CDC40: variants seen among roughly 807,000 people sequenced by gnomAD.
The protein encoded by CDC40 is pre-mRNA-processing factor 17.
In CDC40, 27 loss-of-function variants were observed where a neutral mutation model predicts 80.6. That is an observed-to-expected ratio of 0.33 (90% CI 0.25 to 0.46). The LOEUF (loss-of-function observed/expected upper bound fraction) is 0.46. Among genes scored for constraint, CDC40 ranks in the 20% least tolerant of loss-of-function variants. The pLI, the probability that CDC40 is intolerant of heterozygous loss-of-function variation, is 1.00. For missense variants in CDC40, 486 were observed against 694.1 expected (o/e 0.70, Z 3.37); for synonymous variants, 221 against 232.6 (o/e 0.95, Z 0.45).
chr6:110,219,423 G>C lies in CDC40; in HGVS notation c.1150G>C (p.Asp384His). The C allele has an allele frequency of 3.7e-6, 6 of 1,610,886 alleles. No homozygotes were observed. Among genetic ancestry groups the C allele is most frequent in the Non-Finnish European group, 5.1e-6 (6 of 1,177,426 alleles). The change falls in exon 11 of 15, where the codon GAT becomes CAT. Residue 384 changes from aspartate (D) to histidine (H), a missense_variant. This residue lies in a region of CDC40 where 381 missense variants were observed against 492.1 expected (regional missense o/e 0.77). Transcript: ENST00000307731. Reference protein sequence around the residue: ...KVPYCVKFNPDEDKQNLFVAG... With the variant: ...KVPYCVKFNPHEDKQNLFVAG... Reference sequence around the variant, plus strand: ...ACCTTATTGTGTCAAATTCAATCCTGATGAAGATAAGCAAAATCTCTTTGT... The same window carrying C: ...ACCTTATTGTGTCAAATTCAATCCTCATGAAGATAAGCAAAATCTCTTTGT...
At chr6:110,198,340 T>C (rs1223392295) in intron 2 of CDC40, among the ~76,000 whole-genome samples, 1 of 152,054 alleles carries the variant, frequency 6.6e-6, no homozygotes, top group East Asian at 1.9e-4. Flanking sequence ...CATGCCTAGC[T>C]AATTTTTTGT....
rs932193253 is a variant in CDC40, at chr6:110,231,726, A to C, written c.*1595A>C. ...CCTAAGAGCATTAAGCTCTGAGTCC[A>C]GTGAGGTCATAGCAGTGTATGCTCC... On this transcript the variant is annotated 3_prime_UTR_variant, in exon 15 of 15. Coordinates refer to ENST00000307731, the MANE Select transcript of CDC40 (RefSeq NM_015891.3). The C allele has an allele frequency of 1.3e-5, 2 of 151,592 alleles. No homozygotes were observed. Among genetic ancestry groups the C allele is most frequent in the Non-Finnish European group, 2.9e-5 (2 of 67,894 alleles). The allele number at this position is 151,592 out of a possible 1,614,324, so 9.4% of individuals were successfully genotyped here.
intron 3 of CDC40, among the ~76,000 whole-genome samples, chr6:110,204,829 T>G (rs1402288150): frequency 6.0e-5 from 9 of 150,616 alleles, no homozygotes; most frequent in African/African-American, 1.5e-4. Flanking sequence ...ATAGCTAATG[T>G]TTTTTTTTGT....
chr6:110,181,824 A>G (rs1481460063), intron 1 of CDC40, among the ~76,000 whole-genome samples: 1 of 152,162 alleles, frequency 6.6e-6, no homozygotes, highest in East Asian at 1.9e-4. Context: ...CAGCCATCTG[A>G]CTTAAATGTC....
intron 1 of CDC40, among the ~76,000 whole-genome samples, chr6:110,186,727 A>C (rs530660018): frequency 2.0e-5 from 3 of 151,828 alleles, no homozygotes; most frequent in South Asian, 4.2e-4. Flanking sequence ...TTTTTTTGAG[A>C]TATGGTTTCA....
intron 10 of CDC40, among the ~76,000 whole-genome samples, chr6:110,218,817 A>G (rs1777731522): frequency 7.3e-5 from 11 of 150,624 alleles, no homozygotes; most frequent in Admixed American, 7.3e-4. Context: ...CTAAATATTC[A>G]GTGATTTTTT....
At chr6:110,222,004 C>T (rs949645140) in intron 12 of CDC40, among the ~76,000 whole-genome samples, 5 of 151,802 alleles carry the variant, frequency 3.3e-5, no homozygotes, top group African/African-American at 1.2e-4. Context: ...GCCTGTAATT[C>T]CAGCACTTTG....
chr6:110,209,262 G>A (rs750506478), intron 5 of CDC40, 39 bp downstream of exon 5: 13 of 1,559,248 alleles, frequency 8.3e-6, no homozygotes, highest in Middle Eastern at 1.7e-4. Flanking sequence ...TCAGGTATAC[G>A]CTGTATCTCT....
rs1304645355 is a variant in CDC40, at chr6:110,219,367, A to G, written c.1094A>G (p.Gln365Arg). The G allele has an allele frequency of 7.0e-7, 1 of 1,419,270 alleles. No homozygotes were observed. The allele number at this position is 1,419,270 out of a possible 1,614,324, so 87.9% of individuals were successfully genotyped here. A position where few individuals can be genotyped will look rare whatever the true frequency, so the allele number is the denominator to read the frequency against. The change falls in exon 11 of 15, where the codon CAG (glutamine) becomes CGG (arginine). Residue 365 changes from glutamine to arginine, a missense_variant. By Grantham distance (43) the Gln-to-Arg change is conservative. Transcript: ENST00000307731. ...TAATTTGAGTCTTTGGTTTTAGGACAGTGTATATCAAGATTTACAAACCGA... is the reference window on the plus strand; with the variant it reads ...TAATTTGAGTCTTTGGTTTTAGGACGGTGTATATCAAGATTTACAAACCGA... ...YLKLWDTETG[Q>R]CISRFTNRKV...
chr6:110,204,847 G>A lies in CDC40; in HGVS notation c.407-2659G>A, dbSNP rs1187448279. Among the ~76,000 whole-genome samples, 5 of 151,274 alleles carry A rather than the reference G, an allele frequency of 3.3e-5. No individual in the cohort carries two copies. In the South Asian group the frequency reaches 8.3e-4, roughly 25 times the overall value. On this transcript the variant is annotated intron_variant, in intron 3 of 14. Coordinates refer to ENST00000307731, the MANE Select transcript of CDC40 (RefSeq NM_015891.3). Reference sequence around the variant, plus strand: ...GCTAATGTTTTTTTTTGTATTTTTCGTAGAGATGGGGTTTTACCATATTGG... The same window carrying A: ...GCTAATGTTTTTTTTTGTATTTTTCATAGAGATGGGGTTTTACCATATTGG...
intron 1 of CDC40, among the ~76,000 whole-genome samples, chr6:110,183,657 T>A (rs1378131786): frequency 6.6e-6 from 1 of 152,234 alleles, no homozygotes; most frequent in East Asian, 1.9e-4. Flanking sequence ...ATTGGAAAAT[T>A]GGAAAATGAC....
At chr6:110,189,950 T>G (rs1403656963) in intron 1 of CDC40, among the ~76,000 whole-genome samples, 1 of 152,234 alleles carries the variant, frequency 6.6e-6, no homozygotes, top group Non-Finnish European at 1.5e-5. Flanking sequence ...GTGACATAAT[T>G]GCCAAATCCA....
Position 110,197,912 on chromosome 6 carries a change from A to G in CDC40, c.277-3646A>G, listed in dbSNP as rs188892725. Among the ~76,000 whole-genome samples the G allele has an allele frequency of 1.6e-4, 24 of 152,110 alleles. No individual in the cohort carries two copies. The East Asian group carries it at 4.3e-3, about 27-fold the overall frequency. ...TGTCATTTCCTTTGGACATATACCCACTTGTAAAATTGCTGGGGTCATATG... is the reference window on the plus strand; with the variant it reads ...TGTCATTTCCTTTGGACATATACCCGCTTGTAAAATTGCTGGGGTCATATG... On this transcript the variant is annotated intron_variant, in intron 2 of 14. Transcript: ENST00000307731.
chr6:110,206,725 G>A (rs1777567154), intron 3 of CDC40, among the ~76,000 whole-genome samples: 1 of 152,150 alleles, frequency 6.6e-6, no homozygotes, highest in African/African-American at 2.4e-5. Flanking sequence ...TAGATTTTAT[G>A]TAATCTTCTT....
chr6:110,229,813 A>G (rs1777912339), intron 14 of CDC40, 141 bp from the exon 15 acceptor site: 2 of 561,024 alleles, frequency 3.6e-6, no homozygotes, highest in East Asian at 5.8e-5. Flanking sequence ...TTCATGTTCT[A>G]CCATCTTATT....
At chr6:110,204,206 G>C (rs1777531673) in intron 3 of CDC40, among the ~76,000 whole-genome samples, 1 of 151,978 alleles carries the variant, frequency 6.6e-6, no homozygotes, top group African/African-American at 2.4e-5. Flanking sequence ...TAGAGACGGG[G>C]TTTCACCATG....
At chr6:110,220,218 C>T (rs1777750825) in intron 12 of CDC40, among the ~76,000 whole-genome samples, 1 of 152,056 alleles carries the variant, frequency 6.6e-6, no homozygotes, top group South Asian at 2.1e-4. Context: ...AGCATAAGAT[C>T]ATGGCCCTAG....
intron 12 of CDC40, among the ~76,000 whole-genome samples, chr6:110,225,785 T>C (rs550291716): frequency 9.8e-5 from 15 of 152,372 alleles, no homozygotes; most frequent in African/African-American, 2.9e-4. Flanking sequence ...GGAGTAAAAG[T>C]GGGTTTTGGT....
At chr6:110,191,649 A>C (rs562867789) in intron 1 of CDC40, among the ~76,000 whole-genome samples, 2 of 152,354 alleles carry the variant, frequency 1.3e-5, no homozygotes, top group African/African-American at 4.8e-5. Context: ...AAAAGGAAAT[A>C]ACGGTAAGTA....
Sources: allele counts gnomAD v4.1 joint callset (sites outside exome capture counted in the v4.1 genomes callset), GRCh38; gene constraint gnomAD v4.1.1; regional missense constraint gnomAD v4.1.1; transcripts MANE v1.5; gene names NCBI Gene and HGNC (gene_info 2026-07-23, HGNC 2026-07-21).